The following EPHB1 variants were observed in gnomAD, a reference collection of about 807,000 sequenced individuals.
EPHB1 encodes ephrin type-B receptor 1.
In EPHB1, 30 loss-of-function variants were observed where a neutral mutation model predicts 94.4. The ratio of observed to expected loss-of-function variants is 0.32; its 90% CI spans 0.24 to 0.43. The LOEUF (loss-of-function observed/expected upper bound fraction) is 0.43. Ranked by LOEUF, EPHB1 falls within the 20% of genes least tolerant of loss-of-function variation. The pLI, the probability that EPHB1 is intolerant of heterozygous loss-of-function variation, is 1.00. For missense variants in EPHB1, 1,055 were observed against 1,308.3 expected (o/e 0.81, Z 2.99); for synonymous variants, 522 against 489.1 (o/e 1.07, Z -0.89).
chr3:135,112,477 C>G (rs866587204), intron 4 of EPHB1, among the ~76,000 whole-genome samples: 128 of 151,844 alleles, frequency 8.4e-4, no homozygotes, highest in Non-Finnish European at 1.0e-3. Context: ...CCATGTTGGT[C>G]TGCTGCACCC....
At chr3:135,093,530 C>T (rs142503677) in intron 3 of EPHB1, among the ~76,000 whole-genome samples, 43 of 152,084 alleles carry the variant, frequency 2.8e-4, no homozygotes, top group African/African-American at 9.2e-4. Flanking sequence ...CCAGCGTGGC[C>T]GACATGATGA....
At chr3:135,047,971 A>G (rs1937050578) in intron 3 of EPHB1, among the ~76,000 whole-genome samples, 1 of 152,330 alleles carries the variant, frequency 6.6e-6, no homozygotes, top group South Asian at 2.1e-4. Flanking sequence ...CATAGATGAA[A>G]GATGGACATT....
At chr3:135,012,898 A>AG (rs1240916329) in intron 3 of EPHB1, among the ~76,000 whole-genome samples, 3 of 152,224 alleles carry the variant, frequency 2.0e-5, no homozygotes, top group Admixed American at 6.5e-5. Flanking sequence ...TAAAAGCCAC[A>AG]TACACCCAGC....
At chr3:135,231,545 G>A (rs1943531282) in intron 12 of EPHB1, among the ~76,000 whole-genome samples, 2 of 152,166 alleles carry the variant, frequency 1.3e-5, no homozygotes, top group Admixed American at 6.5e-5. Context: ...AAGGGTTTCA[G>A]CGCTCACAAA....
intron 1 of EPHB1, among the ~76,000 whole-genome samples, chr3:134,866,963 C>G (rs897540138): frequency 2.0e-5 from 3 of 152,184 alleles, no homozygotes; most frequent in Admixed American, 6.5e-5. Context: ...GGAATCTGAG[C>G]TACATGGGCC....
intron 3 of EPHB1, among the ~76,000 whole-genome samples, chr3:134,995,438 T>G (rs1934958049): frequency 6.6e-6 from 1 of 152,236 alleles, no homozygotes; most frequent in Non-Finnish European, 1.5e-5. Flanking sequence ...CAATTAAGAA[T>G]GAAGCTGCTA....
At chr3:134,899,866 A>AG (rs2038165436) in intron 1 of EPHB1, among the ~76,000 whole-genome samples, 1 of 152,184 alleles carries the variant, frequency 6.6e-6, no homozygotes, top group African/African-American at 2.4e-5. Flanking sequence ...AGGGCTTTCC[A>AG]GGTGGGGGCA....
chr3:134,852,193 T>C (rs550644488), intron 1 of EPHB1, among the ~76,000 whole-genome samples: 2 of 151,964 alleles, frequency 1.3e-5, no homozygotes, highest in East Asian at 3.9e-4. Flanking sequence ...ACTGTCTGCC[T>C]CAATGTCCCC....
In EPHB1 at chr3:135,103,587, C is replaced by T. The variant is rs144663243; in HGVS notation, c.806-2861C>T. Among the ~76,000 whole-genome samples the T allele has an allele frequency of 4.1e-3, 621 of 152,296 alleles. 4 individuals carry two copies. Among genetic ancestry groups the T allele is most frequent in the African/African-American group, 0.014 (590 of 41,566 alleles). ...TGTGGGAGTTATTGTGAGAAATTTA[C>T]AGTTCTTTTTCATACACCTTTTATG... On this transcript the variant is annotated intron_variant, in intron 3 of 15. Transcript: ENST00000398015.
At chr3:135,001,844 A>T (rs1228569062) in intron 3 of EPHB1, among the ~76,000 whole-genome samples, 4 of 152,198 alleles carry the variant, frequency 2.6e-5, no homozygotes, top group Non-Finnish European at 4.4e-5. Flanking sequence ...TCATGTATGG[A>T]TGTACCATAA....
chr3:134,864,823 G>T (rs2037339159), intron 1 of EPHB1, among the ~76,000 whole-genome samples: 1 of 152,180 alleles, frequency 6.6e-6, no homozygotes, highest in Non-Finnish European at 1.5e-5. Context: ...GCCAGCCCAG[G>T]CTGACCGTAG....
intron 15 of EPHB1, among the ~76,000 whole-genome samples, chr3:135,251,572 G>C (rs551300449): frequency 1.3e-5 from 2 of 152,338 alleles, no homozygotes; most frequent in South Asian, 4.1e-4. Flanking sequence ...TTTGTTTCTT[G>C]AGAGGTAAAA....
Position 135,258,878 on chromosome 3 carries a change from T to A in EPHB1, c.2847-134T>A, listed in dbSNP as rs1933529307. 3 of 722,290 alleles carry A rather than the reference T, an allele frequency of 4.2e-6. 1 individual carries two copies. In the South Asian group the frequency reaches 4.8e-5, roughly 12 times the overall value. The allele number at this position is 722,290 out of a possible 1,614,324, so 44.7% of individuals were successfully genotyped here. On this transcript the variant is annotated intron_variant, in intron 15 of 15. Transcript: ENST00000398015. Reference sequence around the variant, plus strand: ...TCTCTAATTGGAAGTTTGCCAAAAATTTGGGTAAACTTAAGCTAGTTGGAT... The same window carrying A: ...TCTCTAATTGGAAGTTTGCCAAAAAATTGGGTAAACTTAAGCTAGTTGGAT...
chr3:135,162,553 A>G (rs1478987287), intron 7 of EPHB1, among the ~76,000 whole-genome samples: 1 of 152,170 alleles, frequency 6.6e-6, no homozygotes, highest in Non-Finnish European at 1.5e-5. Context: ...AGCTGAGCTC[A>G]TGGCCTAGTT....
intron 3 of EPHB1, among the ~76,000 whole-genome samples, chr3:135,011,292 T>C (rs1474085526): frequency 6.6e-6 from 1 of 152,232 alleles, no homozygotes; most frequent in Non-Finnish European, 1.5e-5. Flanking sequence ...GATTTTTTTC[T>C]ACCTGGATGT....
chr3:135,116,239 A>G (rs1299774994), intron 4 of EPHB1, among the ~76,000 whole-genome samples: 1 of 152,214 alleles, frequency 6.6e-6, no homozygotes, highest in African/African-American at 2.4e-5. Flanking sequence ...ACAAAAAAAC[A>G]TTAAAAGTAT....
At chr3:134,909,502 C>G (rs553200290) in intron 1 of EPHB1, among the ~76,000 whole-genome samples, 1 of 152,306 alleles carries the variant, frequency 6.6e-6, no homozygotes, top group Non-Finnish European at 1.5e-5. Context: ...GAGCCAGGCC[C>G]AGACTTAGGG....
At chr3:134,900,704 G>A (rs576635751) in intron 1 of EPHB1, among the ~76,000 whole-genome samples, 1 of 152,090 alleles carries the variant, frequency 6.6e-6, no homozygotes, top group Non-Finnish European at 1.5e-5. Flanking sequence ...ATGTAGGTGT[G>A]AGGAGGACCT....
chr3:135,033,145 A>G (rs1292365499), intron 3 of EPHB1, among the ~76,000 whole-genome samples: 1 of 152,208 alleles, frequency 6.6e-6, no homozygotes, highest in African/African-American at 2.4e-5. Flanking sequence ...ATGGACTTCA[A>G]TGCAGGATTC....
Sources: allele counts gnomAD v4.1 joint callset (sites outside exome capture counted in the v4.1 genomes callset), GRCh38; gene constraint gnomAD v4.1.1; transcripts MANE v1.5; gene names NCBI Gene and HGNC (gene_info 2026-07-23, HGNC 2026-07-21).